Variants in KIF13A observed in about 807,000 individuals in gnomAD.
KIF13A encodes the protein kinesin-like protein KIF13A.
In KIF13A, 79 loss-of-function variants were observed where a neutral mutation model predicts 212.2. The ratio of observed to expected loss-of-function variants is 0.37; its 90% CI spans 0.31 to 0.45. The LOEUF (loss-of-function observed/expected upper bound fraction) is 0.45, where lower values mean the gene tolerates loss of function less well. Among genes scored for constraint, KIF13A ranks in the 20% least tolerant of loss-of-function variants. KIF13A has a pLI of 1.00. For synonymous variants in KIF13A, 789 were observed against 808.6 expected, an observed-to-expected ratio of 0.98 and a Z score of 0.41; for missense variants, 1,901 against 2,209.0, an observed-to-expected ratio of 0.86 and a Z score of 2.79.
intron 7 of KIF13A, among the ~76,000 whole-genome samples, chr6:17,851,637 T>C (rs558556623): frequency 6.6e-6 from 1 of 152,364 alleles, no homozygotes; most frequent in South Asian, 2.1e-4. Context: ...AAATACTGTT[T>C]AGAATACCAC....
rs1350237110 is a variant in KIF13A at position 17,771,201 on chromosome 6, C to T, written c.4494G>A (p.Gln1498=). 2.5e-6 allele frequency: 4 copies of T among 1,612,522 alleles called. No individual in the cohort carries two copies. In the Admixed American group the frequency reaches 6.7e-5, roughly 27 times the overall value. The change falls in exon 38 of 39, where the codon CAG becomes CAA. Residue 1498 remains glutamine, a synonymous_variant. Transcript: ENST00000259711. This position sits in a 1 kb window ranked among gnomAD's most constrained non-coding sequence, Gnocchi z 5.4. ...GTACAATGCAGCCAGGGTTATGTGC[C>T]TGAGGTGGAGGCATGCTCTGCAAAG... The part of the protein sequence containing the change: ...LLSQESMPPP[Q]AHNPGCIVPS...
In KIF13A at chr6:17,787,859, C is replaced by T. The variant is rs1160217254; in HGVS notation, c.3278G>A (p.Cys1093Tyr). 1.2e-6 allele frequency: 2 copies of T among 1,607,312 alleles called. No homozygotes were observed. Among genetic ancestry groups the T allele is most frequent in the Non-Finnish European group, 1.7e-6 (2 of 1,173,950 alleles). ...TGCATCTGACCACCTCTCCCTTACG[C>T]AGTTTAAGTCTTCTTCCTAACATCA... ...MDSYQEEDLN[C>Y]VRERWSDALI... The change falls in exon 27 of 39, where the codon TGC becomes TAC. Residue 1093 changes from cysteine (C) to tyrosine (Y), a missense_variant. Coordinates refer to ENST00000259711, the MANE Select transcript of KIF13A (RefSeq NM_022113.6). The surrounding 1 kb of genome is among the most constrained non-coding windows in gnomAD (Gnocchi z 4.6).
downstream of KIF13A, chr6:17,760,723 T>G (rs1039138255): frequency 1.3e-5 from 11 of 852,848 alleles, no homozygotes; most frequent in African/African-American, 1.7e-4. Context: ...AAGTGCACGG[T>G]GTGGATTCTC....
chr6:17,813,545 CAG>C (rs1232318299), intron 17 of KIF13A, among the ~76,000 whole-genome samples: 7 of 152,182 alleles, frequency 4.6e-5, no homozygotes, highest in South Asian at 2.1e-4. Context: ...AGTATCCAGA[CAG>C]ATGAGCAGGT....
chr6:17,812,478 A>G (rs1010002055), intron 17 of KIF13A: 1 of 152,212 alleles, frequency 6.6e-6, no homozygotes, highest in Non-Finnish European at 1.5e-5. Flanking sequence ...GATGGCCGCC[A>G]GTTCCATCCA....
chr6:17,912,820 G>C lies in KIF13A; in HGVS notation c.147-14640C>G, dbSNP rs968209420. On this transcript the variant is annotated intron_variant, in intron 2 of 38. Transcript: ENST00000259711. This position sits in a 1 kb window ranked among gnomAD's most constrained non-coding sequence, Gnocchi z 4.2. ...CCTCCCTGTCCAGGTACTGGCCTCT[G>C]AACAGAGAAACTCCAAACAGACACT... 1.3e-5 allele frequency among the ~76,000 whole-genome samples: 2 copies of C among 152,138 alleles called. No individual in the cohort carries two copies. The highest frequency in any genetic ancestry group is 4.8e-5 in the African/African-American group (2 of 41,442).
At chr6:17,985,642 G>GC (rs1561840933) in intron 2 of KIF13A, among the ~76,000 whole-genome samples, 1 of 96,174 alleles carries the variant, frequency 1.0e-5, no homozygotes, top group Non-Finnish European at 1.9e-5. Context: ...CGGGGGGGTG[G>GC]GGGGAGGGGA....
chr6:17,812,918 C>A (rs955137693), intron 17 of KIF13A, among the ~76,000 whole-genome samples: 3 of 152,120 alleles, frequency 2.0e-5, no homozygotes, highest in Non-Finnish European at 2.9e-5. Flanking sequence ...TTTGCATTTC[C>A]CTAGTCATTG....
chr6:17,838,519 C>T lies in KIF13A; in HGVS notation c.831-936G>A, dbSNP rs1766196871. Among the ~76,000 whole-genome samples the T allele has an allele frequency of 6.6e-6, 1 of 151,980 alleles. No individual in the cohort carries two copies. ...AAGTCCCCGAAATATAATATAAACT[C>T]AAGATTCAGAAAATGAACCAGAATT... On this transcript the variant is annotated intron_variant, in intron 9 of 38. Coordinates refer to ENST00000259711, the MANE Select transcript of KIF13A (RefSeq NM_022113.6). The surrounding 1 kb of genome is among the most constrained non-coding windows in gnomAD (Gnocchi z 4.2).
intron 2 of KIF13A, chr6:17,950,736 C>T (rs1166862348): frequency 3.1e-6 from 3 of 981,738 alleles, no homozygotes; most frequent in East Asian, 2.3e-4. Flanking sequence ...AAAAAATACT[C>T]AAAAGATACT....
At chr6:17,832,352 T>C (rs550483053) in intron 12 of KIF13A, among the ~76,000 whole-genome samples, 26 of 152,312 alleles carry the variant, frequency 1.7e-4, no homozygotes, top group Non-Finnish European at 2.9e-4. Flanking sequence ...AAAATTATGA[T>C]ATGCTATACG....
intron 4 of KIF13A, among the ~76,000 whole-genome samples, chr6:17,864,809 G>C (rs1371199612): frequency 6.6e-6 from 1 of 152,200 alleles, no homozygotes; most frequent in Non-Finnish European, 1.5e-5. Flanking sequence ...TCTTTGAAAA[G>C]CTAACACCCT....
chr6:17,935,087 T>C (rs1266042284), intron 2 of KIF13A, among the ~76,000 whole-genome samples: 2 of 152,184 alleles, frequency 1.3e-5, no homozygotes, highest in East Asian at 1.9e-4. Flanking sequence ...GCTAGTTGTG[T>C]TATTTTCACC....
At chr6:17,761,415 C>T (rs940314832), downstream of KIF13A, among the ~76,000 whole-genome samples, 1 of 151,862 alleles carries the variant, frequency 6.6e-6, no homozygotes, top group African/African-American at 2.4e-5. Context: ...AAGAGTTTAG[C>T]TCCTGTTGCC....
intron 2 of KIF13A, among the ~76,000 whole-genome samples, chr6:17,970,544 T>C (rs1235904772): frequency 1.3e-5 from 2 of 152,202 alleles, no homozygotes; most frequent in African/African-American, 4.8e-5. Flanking sequence ...TTCCAGCAAT[T>C]TGCCTGCTTC....
intron 2 of KIF13A, among the ~76,000 whole-genome samples, chr6:17,977,098 T>C (rs1369066785): frequency 7.7e-6 from 1 of 129,274 alleles, no homozygotes; most frequent in African/African-American, 3.0e-5. Context: ...CGAGACTCCG[T>C]CTCAAAAAAC....
chr6:17,836,781 T>A (rs1480417426), intron 11 of KIF13A, 97 bp downstream of exon 11: 1 of 1,062,994 alleles, frequency 9.4e-7, no homozygotes, highest in Non-Finnish European at 1.4e-6. Flanking sequence ...ATCGAAACCA[T>A]ATCAGATGAC....
In KIF13A at chr6:17,967,204, CTG is replaced by C. The variant is rs1779404461; in HGVS notation, c.146+19848_146+19849del. Among the ~76,000 whole-genome samples the C allele has an allele frequency of 1.3e-5, 2 of 152,174 alleles. No homozygotes were observed. Among genetic ancestry groups the C allele is most frequent in the Non-Finnish European group, 1.5e-5 (1 of 68,032 alleles). ...ACTAAACATTCAGCTGAACCTAGTG[CTG>C]TAAATTTTTAGATAGTGCTACCGCC... On this transcript the variant is annotated intron_variant, in intron 2 of 38. Coordinates refer to ENST00000259711, the MANE Select transcript of KIF13A (RefSeq NM_022113.6). This position sits in a 1 kb window ranked among gnomAD's most constrained non-coding sequence, Gnocchi z 4.1.
rs1003145997 is a variant in KIF13A, at chr6:17,771,377, G to A, written c.4477-159C>T. On this transcript the variant is annotated intron_variant, in intron 37 of 38. Transcript: ENST00000259711. This position sits in a 1 kb window ranked among gnomAD's most constrained non-coding sequence, Gnocchi z 5.4. The stretch of plus-strand genomic sequence containing the variant: ...CAGGCCAGAGTTAAACTACTGGAGA[G>A]ATATGACAGGAATAAACAGATTCTG... 1 of 579,252 alleles carries A rather than the reference G, an allele frequency of 1.7e-6. No homozygotes were observed. The highest frequency in any genetic ancestry group is 3.1e-6 in the Non-Finnish European group (1 of 324,960). 35.9% of individuals were successfully genotyped at this position (579,252 alleles called of 1,614,324 possible). A position where few individuals can be genotyped will look rare whatever the true frequency, so the allele number is the denominator to read the frequency against.
Sources: allele counts gnomAD v4.1 joint callset (sites outside exome capture counted in the v4.1 genomes callset), GRCh38; gene constraint gnomAD v4.1.1; non-coding constraint Gnocchi (gnomAD v3.1); transcripts MANE v1.5; gene names NCBI Gene and HGNC (gene_info 2026-07-23, HGNC 2026-07-21).